Variants in KATNIP observed in about 807,000 individuals in gnomAD.
KATNIP encodes the protein katanin interacting protein.
In KATNIP, 126 loss-of-function variants were observed where a neutral mutation model predicts 174.0. That is an observed-to-expected ratio of 0.72 (90% CI 0.63 to 0.84). The LOEUF (loss-of-function observed/expected upper bound fraction) is 0.84. Ranked by LOEUF, KATNIP falls within the 40% of genes least tolerant of loss-of-function variation. KATNIP has a pLI of 0.00. For missense variants in KATNIP, 1,958 were observed against 2,109.7 expected (o/e 0.93, Z 1.41); for synonymous variants, 810 against 835.7 (o/e 0.97, Z 0.53).
Position 27,777,891 on chromosome 16 carries a change from G to A in KATNIP, c.4723G>A (p.Glu1575Lys), listed in dbSNP as rs113918339. ...CCTTCCTACCCTCAGTAATCAGGCCGAGGATCAAGATGTCCAGATGATGAA... is the reference window on the plus strand; with the variant it reads ...CCTTCCTACCCTCAGTAATCAGGCCAAGGATCAAGATGTCCAGATGATGAA... ...EKHTTISNQAEDQDVQMMNEN... is the reference protein window; with the variant it reads ...EKHTTISNQAKDQDVQMMNEN... The change falls in exon 27 of 28, where the codon GAG (glutamate) becomes AAG (lysine). Residue 1575 changes from glutamate to lysine, a missense_variant. By Grantham distance (56) the Glu-to-Lys change is moderately conservative. Coordinates refer to ENST00000261588, the MANE Select transcript of KATNIP (RefSeq NM_015202.5). The surrounding 1 kb of genome is among the most constrained non-coding windows in gnomAD (Gnocchi z 4.4). 4.2e-5 allele frequency: 67 copies of A among 1,614,060 alleles called. 1 individual carries two copies. The highest frequency in any genetic ancestry group is 8.9e-5 in the East Asian group (4 of 44,898).
intron 14 of KATNIP, among the ~76,000 whole-genome samples, chr16:27,733,794 G>A (rs1347867359): frequency 1.3e-5 from 2 of 152,088 alleles, no homozygotes; most frequent in Admixed American, 6.6e-5. Context: ...GGATCCTTTC[G>A]TAAAGATGTC....
chr16:27,735,370 C>T (rs952352909), intron 14 of KATNIP, among the ~76,000 whole-genome samples: 15 of 152,220 alleles, frequency 9.9e-5, no homozygotes, highest in African/African-American at 3.6e-4. Context: ...CTAGGATGCC[C>T]ACCTTGTGAC....
intron 6 of KATNIP, among the ~76,000 whole-genome samples, chr16:27,652,179 A>G (rs552373210): frequency 3.0e-4 from 45 of 152,338 alleles, no homozygotes; most frequent in African/African-American, 1.1e-3. Flanking sequence ...TCAGGAGACA[A>G]CAGGGCTGAT....
intron 3 of KATNIP, among the ~76,000 whole-genome samples, chr16:27,622,141 G>T (rs2076214544): frequency 6.6e-6 from 1 of 151,676 alleles, no homozygotes; most frequent in South Asian, 2.1e-4. Context: ...GAGATCTGAG[G>T]GGCTCTGTTT....
At chr16:27,585,877 G>A (rs1051266989) in intron 2 of KATNIP, among the ~76,000 whole-genome samples, 6 of 152,124 alleles carry the variant, frequency 3.9e-5, no homozygotes, top group African/African-American at 1.2e-4. Context: ...CGAGGCAGGC[G>A]GATCACTTGA....
At position 27,749,876 on chromosome 16, in the gene KATNIP, T is replaced by C. The variant is rs548845174; in HGVS notation, c.2916T>C (p.Pro972=). 1 of 1,614,148 alleles carries C rather than the reference T, an allele frequency of 6.2e-7. No individual in the cohort carries two copies. Among genetic ancestry groups the C allele is most frequent in the African/African-American group, 1.3e-5 (1 of 75,038 alleles). ...GTGACTTTAAAATCCCCGTCTTGCC[T>C]TATGGACAGCGCTTGGTCATTGACA... ...AGGDFKIPVL[P]YGQRLVIDIK... is the part of the protein sequence containing the mutation. The change falls in exon 16 of 28, where the codon CCT becomes CCC. Residue 972 remains proline (P), a synonymous_variant. Coordinates refer to ENST00000261588, the MANE Select transcript of KATNIP (RefSeq NM_015202.5).
At chr16:27,746,422 A>G (rs531768564) in intron 15 of KATNIP, among the ~76,000 whole-genome samples, 6 of 152,344 alleles carry the variant, frequency 3.9e-5, no homozygotes, top group South Asian at 2.1e-4. Context: ...AACCTCTGGT[A>G]TCTTTTTAAA....
At chr16:27,652,287 A>C (rs2077143805) in intron 6 of KATNIP, among the ~76,000 whole-genome samples, 1 of 152,164 alleles carries the variant, frequency 6.6e-6, no homozygotes, top group Admixed American at 6.5e-5. Context: ...GTGATACTTA[A>C]GTAGAGGAGA....
Position 27,750,224 on chromosome 16 carries a change from C to A in KATNIP, c.3264C>A (p.Gly1088=). ...YNKSRIHSFR[G]VKDITMLLDT... ...AATCTCGGATACATTCCTTCCGAGG[C>A]GTGAAGGACATCACAATGCTGTTAG... is the stretch of plus-strand genomic sequence containing the variant. Residue 1088 remains glycine, a synonymous_variant, in exon 16 of 28, where the codon GGC becomes GGA. Transcript: ENST00000261588. The A allele has an allele frequency of 6.2e-7, 1 of 1,613,890 alleles. No homozygotes were observed. Among genetic ancestry groups the A allele is most frequent in the East Asian group, 2.2e-5 (1 of 44,864 alleles).
Position 27,747,190 on chromosome 16 carries a change from G to A in KATNIP, c.2624-2394G>A, listed in dbSNP as rs745845366. Among the ~76,000 whole-genome samples the A allele has an allele frequency of 4.8e-4, 73 of 152,334 alleles. 1 individual carries two copies. Among genetic ancestry groups the A allele is most frequent in the South Asian group, 2.1e-4 (1 of 4,830 alleles). On this transcript the variant is annotated intron_variant, in intron 15 of 27. Coordinates refer to ENST00000261588, the MANE Select transcript of KATNIP (RefSeq NM_015202.5). ...ATGGAGAGAGTTGTCAGTGGGAGAGGCAGAGAACCAGGGAGGTATAGTGGC... is the reference window on the plus strand; with the variant it reads ...ATGGAGAGAGTTGTCAGTGGGAGAGACAGAGAACCAGGGAGGTATAGTGGC...
intron 19 of KATNIP, among the ~76,000 whole-genome samples, chr16:27,763,956 T>A (rs2082042407): frequency 6.6e-6 from 1 of 152,182 alleles, no homozygotes. Context: ...AGAGGCCTGA[T>A]CAGATTGAGG....
intron 2 of KATNIP, among the ~76,000 whole-genome samples, chr16:27,590,773 C>G (rs1383433003): frequency 2.0e-5 from 3 of 152,176 alleles, no homozygotes; most frequent in Admixed American, 1.3e-4. Flanking sequence ...CAGCCCGGGC[C>G]CACCTTCACC....
At chr16:27,695,607 G>C (rs1374343801) in intron 8 of KATNIP, among the ~76,000 whole-genome samples, 3 of 152,128 alleles carry the variant, frequency 2.0e-5, no homozygotes, top group Admixed American at 1.3e-4. Flanking sequence ...TCCAGCTTAT[G>C]GTCTCTCACC....
At chr16:27,613,061 C>G (rs1409368104) in intron 2 of KATNIP, among the ~76,000 whole-genome samples, 1 of 152,026 alleles carries the variant, frequency 6.6e-6, no homozygotes, top group African/African-American at 2.4e-5. Context: ...GAGTCCGAGA[C>G]CAGCCCGGGC....
chr16:27,624,975 T>A (rs2076291544), intron 3 of KATNIP, among the ~76,000 whole-genome samples: 1 of 152,136 alleles, frequency 6.6e-6, no homozygotes, highest in South Asian at 2.1e-4. Context: ...AGTGTGCCAT[T>A]GGAAAAAGTT....
intron 12 of KATNIP, among the ~76,000 whole-genome samples, chr16:27,707,557 T>C (rs2079370465): frequency 6.6e-6 from 1 of 152,242 alleles, no homozygotes; most frequent in African/African-American, 2.4e-5. Context: ...TCATGTCCTC[T>C]TCCCCAACCA....
chr16:27,720,311 G>A (rs934341058), intron 13 of KATNIP, among the ~76,000 whole-genome samples: 3 of 151,400 alleles, frequency 2.0e-5, no homozygotes, highest in African/African-American at 7.3e-5. Flanking sequence ...GGCTGGTCTC[G>A]AGCTCCTGAC....
At chr16:27,576,256 C>T (rs886189284) in intron 2 of KATNIP, among the ~76,000 whole-genome samples, 3 of 152,144 alleles carry the variant, frequency 2.0e-5, no homozygotes, top group African/African-American at 7.2e-5. Context: ...TTGTGCCCAT[C>T]GCCCGAGAGC....
chr16:27,608,399 CTTTTTTT>C (rs11374534), intron 2 of KATNIP, among the ~76,000 whole-genome samples: 139 of 97,560 alleles, frequency 1.4e-3, no homozygotes, highest in African/African-American at 5.1e-3. Context: ...ACTGGTGAAT[CTTTTTTT>C]TTTTTTTTTT....
Sources: gnomAD v4.1 joint callset for allele counts (sites outside exome capture counted in the v4.1 genomes callset) on GRCh38, gnomAD v4.1.1 for gene constraint, Gnocchi (gnomAD v3.1) non-coding constraint, MANE v1.5 for transcripts, NCBI Gene and HGNC (gene_info 2026-07-23, HGNC 2026-07-21) for gene names.